The following STAU2 variants were observed in gnomAD, a reference collection of about 807,000 sequenced individuals.
STAU2 encodes the protein double-stranded RNA-binding protein Staufen homolog 2.
STAU2 carries 20 observed loss-of-function variants against 65.9 expected under a neutral mutation model. The ratio of observed to expected loss-of-function variants is 0.30; its 90% CI spans 0.21 to 0.44. STAU2 has a LOEUF of 0.44. Ranked by LOEUF, STAU2 falls within the 20% of genes least tolerant of loss-of-function variation. STAU2 has a pLI of 1.00. For synonymous variants in STAU2, 232 were observed against 233.9 expected (o/e 0.99, Z 0.07); for missense variants, 558 against 683.9 (o/e 0.82, Z 2.05).
intron 4 of STAU2, among the ~76,000 whole-genome samples, chr8:73,697,076 CAG>C (rs1362197788): frequency 1.4e-5 from 2 of 140,080 alleles, no homozygotes; most frequent in South Asian, 2.3e-4. Flanking sequence ...TGTTTTGAAA[CAG>C]AGTCTCACTC....
intron 5 of STAU2, among the ~76,000 whole-genome samples, chr8:73,679,467 G>C (rs959330807): frequency 6.6e-6 from 1 of 152,236 alleles, no homozygotes; most frequent in Non-Finnish European, 1.5e-5. Context: ...CAAAGTGTGA[G>C]AGGGGGAAAG....
Position 73,673,284 on chromosome 8 carries a change from C to A in STAU2, c.275-42G>T, listed in dbSNP as rs747003947. On this transcript the variant is annotated intron_variant, in intron 5 of 14. Transcript: ENST00000524300. ...CATTAAAGGCACACAAGTGAAATATCTTCACAATTAAACATGCAAGCTATA... is the reference window on the plus strand; with the variant it reads ...CATTAAAGGCACACAAGTGAAATATATTCACAATTAAACATGCAAGCTATA... 1.3e-5 allele frequency: 19 copies of A among 1,480,692 alleles called. No homozygotes were observed. In the Admixed American group the frequency reaches 2.5e-4, roughly 20 times the overall value. The allele number at this position is 1,480,692 out of a possible 1,614,324, so 91.7% of individuals were successfully genotyped here.
intron 13 of STAU2, among the ~76,000 whole-genome samples, chr8:73,458,395 C>A (rs914519714): frequency 6.6e-6 from 1 of 152,186 alleles, no homozygotes; most frequent in Admixed American, 6.5e-5. Context: ...TTTACTTTAT[C>A]AGTTCTTTGG....
chr8:73,649,869 T>TTATATATATATA (rs55814743), intron 6 of STAU2, among the ~76,000 whole-genome samples: 49 of 71,612 alleles, frequency 6.8e-4, no homozygotes, highest in South Asian at 2.5e-3. Flanking sequence ...CTATATAATT[T>TTATATATATATA]TATATATATA....
intron 12 of STAU2, among the ~76,000 whole-genome samples, chr8:73,570,773 A>G (rs62510318): frequency 0.12 from 18,296 of 152,286 alleles, 1,430 homozygotes; most frequent in Non-Finnish European, 0.18. Flanking sequence ...TCTACAAGCC[A>G]GAAGAGAGTG....
At chr8:73,723,095 C>T (rs917225663) in intron 3 of STAU2, among the ~76,000 whole-genome samples, 2 of 151,820 alleles carry the variant, frequency 1.3e-5, no homozygotes, top group African/African-American at 2.4e-5. Flanking sequence ...AGAGTGCGTG[C>T]GTGCCCACAC....
At chr8:73,684,261 A>T (rs1818637369) in intron 5 of STAU2, among the ~76,000 whole-genome samples, 1 of 152,190 alleles carries the variant, frequency 6.6e-6, no homozygotes, top group African/African-American at 2.4e-5. Flanking sequence ...AAAAATAGGC[A>T]CATAGACCAA....
At position 73,717,591 on chromosome 8, in the gene STAU2, A is replaced by C. The variant is rs114590437; in HGVS notation, c.-17-8429T>G. ...CATATAAGGAGTTTATTTCTGGACTACCAATTCTGTTTCCACTGATCTATT... is the reference window on the plus strand; with the variant it reads ...CATATAAGGAGTTTATTTCTGGACTCCCAATTCTGTTTCCACTGATCTATT... On this transcript the variant is annotated intron_variant, in intron 3 of 14. Transcript: ENST00000524300. Among the ~76,000 whole-genome samples the C allele has an allele frequency of 7.9e-3, 1,200 of 152,150 alleles. 20 individuals are homozygous for C. Among genetic ancestry groups the C allele is most frequent in the African/African-American group, 0.028 (1,147 of 41,442 alleles).
intron 6 of STAU2, among the ~76,000 whole-genome samples, chr8:73,637,145 C>T (rs1814584410): frequency 6.7e-6 from 1 of 150,240 alleles, no homozygotes; most frequent in African/African-American, 2.5e-5. Context: ...GCTTAGGGAC[C>T]TGTTAGACAA....
At chr8:73,676,517 T>C (rs1302885024) in intron 5 of STAU2, among the ~76,000 whole-genome samples, 1 of 152,200 alleles carries the variant, frequency 6.6e-6, no homozygotes, top group Non-Finnish European at 1.5e-5. Context: ...GTGTATTAAA[T>C]GGCACACCAA....
At position 73,437,772 on chromosome 8, in the gene STAU2, G is replaced by T. The variant is rs75657705; in HGVS notation, c.1531-15070C>A. Among the ~76,000 whole-genome samples the T allele has an allele frequency of 6.9e-3, 1,043 of 152,244 alleles. 14 individuals carry two copies. The highest frequency in any genetic ancestry group is 0.024 in the African/African-American group (994 of 41,534). On this transcript the variant is annotated intron_variant, in intron 13 of 14. Coordinates refer to ENST00000524300, the MANE Select transcript of STAU2 (RefSeq NM_001164380.2). ...CTGAGAAGAGCGGCCCAGGTGCCAG[G>T]GGACCTTCGGTTGCCTCTGCCCACT...
At chr8:73,610,704 A>G (rs1373659040) in intron 9 of STAU2, among the ~76,000 whole-genome samples, 1 of 152,264 alleles carries the variant, frequency 6.6e-6, no homozygotes, top group African/African-American at 2.4e-5. Context: ...AATTGTGTCC[A>G]GAACATTTGA....
intron 6 of STAU2, among the ~76,000 whole-genome samples, chr8:73,654,268 C>T (rs964210726): frequency 6.6e-6 from 1 of 151,930 alleles, no homozygotes; most frequent in Non-Finnish European, 1.5e-5. Context: ...GGGAGGATTA[C>T]ATTATATACC....
intron 13 of STAU2, among the ~76,000 whole-genome samples, chr8:73,483,518 T>G (rs1394422279): frequency 9.1e-6 from 1 of 110,056 alleles, no homozygotes; most frequent in Non-Finnish European, 2.0e-5. Context: ...ACTATTACCT[T>G]AACATTTAAG....
At chr8:73,437,891 T>C (rs1365975891) in intron 13 of STAU2, among the ~76,000 whole-genome samples, 1 of 152,114 alleles carries the variant, frequency 6.6e-6, no homozygotes, top group Non-Finnish European at 1.5e-5. Context: ...ACCTACACCC[T>C]TCAGCAGCCT....
At chr8:73,704,335 C>T (rs559287123) in intron 4 of STAU2, among the ~76,000 whole-genome samples, 35 of 152,162 alleles carry the variant, frequency 2.3e-4, no homozygotes, top group African/African-American at 7.5e-4. Context: ...GACATAGCCA[C>T]CAAATGTAAT....
chr8:73,649,298 T>A (rs1372894994), intron 6 of STAU2, among the ~76,000 whole-genome samples: 2 of 152,196 alleles, frequency 1.3e-5, no homozygotes, highest in Non-Finnish European at 2.9e-5. Context: ...CAACGTCTCA[T>A]CACTTCATAC....
intron 12 of STAU2, among the ~76,000 whole-genome samples, chr8:73,573,554 G>C (rs1242680544): frequency 6.6e-6 from 1 of 152,106 alleles, no homozygotes; most frequent in East Asian, 1.9e-4. Flanking sequence ...CCAAAACAGA[G>C]ATATAGACCA....
chr8:73,649,481 C>G (rs1329892219), intron 6 of STAU2, among the ~76,000 whole-genome samples: 1 of 151,958 alleles, frequency 6.6e-6, no homozygotes, highest in Non-Finnish European at 1.5e-5. Flanking sequence ...ATATTTGTTC[C>G]ATCACAATAG....
Sources: gnomAD v4.1 joint callset for allele counts (sites outside exome capture counted in the v4.1 genomes callset) on GRCh38, gnomAD v4.1.1 for gene constraint, MANE v1.5 for transcripts, NCBI Gene and HGNC (gene_info 2026-07-23, HGNC 2026-07-21) for gene names.